The following BMP7 variants were observed in gnomAD, a reference collection of about 807,000 sequenced individuals.
BMP7 encodes the protein osteogenic protein 1.
In BMP7, 12 loss-of-function variants were observed where a neutral mutation model predicts 41.2. The ratio of observed to expected loss-of-function variants is 0.29; its 90% CI spans 0.19 to 0.47. The LOEUF (loss-of-function observed/expected upper bound fraction) is 0.47. BMP7 is among the 20% of genes least tolerant of loss of function. BMP7 has a pLI of 0.99. For synonymous variants in BMP7, 248 were observed against 250.0 expected (o/e 0.99, Z 0.07); for missense variants, 467 against 606.0 (o/e 0.77, Z 2.41).
intron 2 of BMP7, among the ~76,000 whole-genome samples, chr20:57,220,468 G>A (rs1253341262): frequency 6.6e-6 from 1 of 152,208 alleles, no homozygotes. Context: ...AAACATAGAT[G>A]TTAATACATT....
intron 3 of BMP7, among the ~76,000 whole-genome samples, chr20:57,189,123 C>T (rs1984290895): frequency 6.6e-6 from 1 of 152,164 alleles, no homozygotes; most frequent in South Asian, 2.1e-4. Flanking sequence ...GTCTTTTTGT[C>T]CCTGTTATTC....
chr20:57,205,463 C>T (rs1308792554), intron 2 of BMP7, among the ~76,000 whole-genome samples: 1 of 152,162 alleles, frequency 6.6e-6, no homozygotes, highest in Non-Finnish European at 1.5e-5. Flanking sequence ...TGAAAAGCTA[C>T]CAAGGTTGTC....
At chr20:57,183,593 C>T in intron 4 of BMP7, 129 bp downstream of exon 4, 2 of 1,224,000 alleles carry the variant, frequency 1.6e-6, no homozygotes, top group South Asian at 2.5e-5. Flanking sequence ...GGGTTTTCTT[C>T]CTGCTATATT....
intron 1 of BMP7, among the ~76,000 whole-genome samples, chr20:57,245,672 T>C (rs1459220827): frequency 1.4e-5 from 2 of 144,504 alleles, no homozygotes; most frequent in Non-Finnish European, 3.0e-5. Flanking sequence ...AGAGTCTTGC[T>C]CTGTCACCCA....
Position 57,202,549 on chromosome 20 carries a change from G to A in BMP7, c.686C>T (p.Thr229Ile). ...SEEGWLVFDI[T>I]ATSNHWVVNP... ...GACCACCCAGTGGTTGCTGGTGGCTGTGATGTCAAACACCAGCCAGCCCTC... is the reference window on the plus strand; with the variant it reads ...GACCACCCAGTGGTTGCTGGTGGCTATGATGTCAAACACCAGCCAGCCCTC... Residue 229 changes from threonine to isoleucine, a missense_variant, in exon 3 of 7, where the codon ACA (threonine) becomes ATA (isoleucine). Thr to Ile is a moderately conservative substitution (Grantham distance 89). Around this residue, in one of 2 missense-constraint regions of BMP7, gnomAD observed 407 missense variants for 485.9 expected, o/e 0.84. Transcript: ENST00000395863. The A allele has an allele frequency of 6.2e-7, 1 of 1,612,012 alleles. No homozygotes were observed. Among genetic ancestry groups the A allele is most frequent in the Non-Finnish European group, 8.5e-7 (1 of 1,179,994 alleles).
intron 1 of BMP7, among the ~76,000 whole-genome samples, chr20:57,255,676 T>C (rs1268024533): frequency 6.6e-6 from 1 of 151,672 alleles, no homozygotes; most frequent in East Asian, 1.9e-4. Flanking sequence ...TGTGGGAGCC[T>C]GTAATCCCTG....
At chr20:57,204,110 A>G (rs1174110021) in intron 2 of BMP7, among the ~76,000 whole-genome samples, 1 of 152,228 alleles carries the variant, frequency 6.6e-6, no homozygotes, top group Non-Finnish European at 1.5e-5. Flanking sequence ...TGCAAGCCCA[A>G]GCTTGCAACT....
intron 1 of BMP7, among the ~76,000 whole-genome samples, chr20:57,242,647 T>G (rs1462602372): frequency 6.6e-6 from 1 of 152,182 alleles, no homozygotes; most frequent in African/African-American, 2.4e-5. Flanking sequence ...ACTGAGCACT[T>G]GAAATGTGGC....
Position 57,173,212 on chromosome 20 carries a change from G to A in BMP7, c.1134C>T (p.Ile378=), listed in dbSNP as rs189742184. The change falls in exon 6 of 7, where the codon ATC becomes ATT. Residue 378 remains isoleucine (I), a synonymous_variant. Transcript: ENST00000395863. ...GCGTGACACCCACCAGCGTCTGCAC[G>A]ATGGCGTGGTTGGTGGCGTTCATGT... is the stretch of plus-strand genomic sequence containing the variant. The part of the protein sequence containing the change: ...NSYMNATNHA[I]VQTLVHFINP... 1.0e-4 allele frequency: 167 copies of A among 1,614,082 alleles called. 1 individual carries two copies. The East Asian group carries it at 3.4e-3, about 33-fold the overall frequency.
intron 3 of BMP7, among the ~76,000 whole-genome samples, chr20:57,191,044 T>C (rs1984345536): frequency 6.6e-6 from 1 of 152,130 alleles, no homozygotes; most frequent in Admixed American, 6.6e-5. Flanking sequence ...AAACCATCCC[T>C]GGTCAAGAGC....
chr20:57,213,619 A>C lies in BMP7; in HGVS notation c.612-10996T>G, dbSNP rs185270603. ...AAGAGGGAAGAGAAATACAGCGACA[A>C]ATGGAAGGCTCTCCCTCATTAGAGA... On this transcript the variant is annotated intron_variant, in intron 2 of 6. Coordinates refer to ENST00000395863, the MANE Select transcript of BMP7 (RefSeq NM_001719.3). This position sits in a 1 kb window ranked among gnomAD's most constrained non-coding sequence, Gnocchi z 4.4. 5.3e-5 allele frequency among the ~76,000 whole-genome samples: 8 copies of C among 152,278 alleles called. No homozygotes were observed. The highest frequency in any genetic ancestry group is 6.8e-3 in the Middle Eastern group (2 of 294).
At chr20:57,264,710 G>A (rs984489439) in intron 1 of BMP7, among the ~76,000 whole-genome samples, 1 of 152,158 alleles carries the variant, frequency 6.6e-6, no homozygotes, top group African/African-American at 2.4e-5. Context: ...CTGCCGGCCC[G>A]GGACCTACCA....
intron 1 of BMP7, among the ~76,000 whole-genome samples, chr20:57,242,255 A>G (rs576979769): frequency 6.0e-4 from 91 of 152,336 alleles, no homozygotes; most frequent in African/African-American, 2.0e-3. Flanking sequence ...GGTACAGACC[A>G]GGGACACCGC....
chr20:57,253,390 G>C (rs1272017880), intron 1 of BMP7, among the ~76,000 whole-genome samples: 1 of 152,166 alleles, frequency 6.6e-6, no homozygotes, highest in Non-Finnish European at 1.5e-5. Flanking sequence ...AAAATCGAAA[G>C]ATCTTTTAGA....
At chr20:57,210,342 C>T (rs989930037) in intron 2 of BMP7, among the ~76,000 whole-genome samples, 8 of 152,212 alleles carry the variant, frequency 5.3e-5, no homozygotes, top group Non-Finnish European at 8.8e-5. Context: ...TCCCCAGGCT[C>T]GTTTCCAGTG....
At chr20:57,244,969 C>G (rs541240345) in intron 1 of BMP7, among the ~76,000 whole-genome samples, 1 of 152,342 alleles carries the variant, frequency 6.6e-6, no homozygotes, top group East Asian at 1.9e-4. Context: ...TCATTAGGCC[C>G]AGGAGATGCA....
chr20:57,237,536 G>C (rs1402139820), intron 1 of BMP7, among the ~76,000 whole-genome samples: 1 of 152,194 alleles, frequency 6.6e-6, no homozygotes, highest in Non-Finnish European at 1.5e-5. Flanking sequence ...GATTTACATG[G>C]CAAGATTAAG....
Position 57,183,789 on chromosome 20 carries a change from T to C in BMP7, c.891A>G (p.Lys297=), listed in dbSNP as rs1984145064. ...TCTTGGAGCGGTTCTGGCTGCGCTG[T>C]TTGCTCCCCGTGGACCGGATGCTGC... is the stretch of plus-strand genomic sequence containing the variant. ...HFRSIRSTGS[K]QRSQNRSKTP... is the part of the protein sequence containing the mutation. Residue 297 remains lysine, a synonymous_variant, in exon 4 of 7, where the codon AAA becomes AAG. Transcript: ENST00000395863. 6.2e-7 allele frequency: 1 copy of C among 1,614,098 alleles called. No individual in the cohort carries two copies.
chr20:57,195,933 T>C (rs956869217), intron 3 of BMP7, among the ~76,000 whole-genome samples: 2 of 152,030 alleles, frequency 1.3e-5, no homozygotes, highest in Non-Finnish European at 2.9e-5. Context: ...CCTATGACCT[T>C]GGAGCTCAGG....
Sources: allele counts gnomAD v4.1 joint callset (sites outside exome capture counted in the v4.1 genomes callset), GRCh38; gene constraint gnomAD v4.1.1; regional missense constraint gnomAD v4.1.1; non-coding constraint Gnocchi (gnomAD v3.1); transcripts MANE v1.5; gene names NCBI Gene and HGNC (gene_info 2026-07-23, HGNC 2026-07-21).